MMP14: variants seen among roughly 807,000 people sequenced by gnomAD.
The protein encoded by MMP14 is matrix metallopeptidase 14.
A neutral mutation model predicts 64.8 loss-of-function variants in MMP14; 13 were observed. The observed-to-expected ratio is 0.20, with a 90% CI of 0.13 to 0.32. MMP14 has a LOEUF of 0.32. Among genes scored for constraint, MMP14 ranks in the 10% least tolerant of loss-of-function variants. MMP14 has a pLI of 1.00. For missense variants in MMP14, 594 were observed against 783.8 expected, an observed-to-expected ratio of 0.76 and a Z score of 2.89; for synonymous variants, 322 against 315.9, an observed-to-expected ratio of 1.02 and a Z score of -0.20.
At chr14:22,840,680 T>A (rs1405505207) in intron 1 of MMP14, among the ~76,000 whole-genome samples, 2 of 152,018 alleles carry the variant, frequency 1.3e-5, no homozygotes, top group Non-Finnish European at 2.9e-5. Flanking sequence ...GGCTAATATT[T>A]TTTGTATTTT....
chr14:22,843,325 C>G lies in MMP14; in HGVS notation c.757C>G (p.Pro253Ala). The change falls in exon 5 of 10, where the codon CCC (proline) becomes GCC (alanine). Residue 253 changes from proline (P) to alanine (A), a missense_variant. Physicochemically the swap from Pro to Ala is conservative, Grantham distance 27. This residue lies in a region of MMP14 where 6 missense variants were observed against 26.3 expected (regional missense o/e 0.23). Coordinates refer to ENST00000311852, the MANE Select transcript of MMP14 (RefSeq NM_004995.4). The surrounding 1 kb of genome is among the most constrained non-coding windows in gnomAD (Gnocchi z 4.8). ...CCTGGGGCTCGAGCATTCCAGTGAC[C>G]CCTCGGCCATCATGGCACCCTTTTA... is the stretch of plus-strand genomic sequence containing the variant. ...HALGLEHSSDPSAIMAPFYQW... is the reference protein window; with the variant it reads ...HALGLEHSSDASAIMAPFYQW... 6.2e-7 allele frequency: 1 copy of G among 1,613,980 alleles called. No homozygotes were observed. The highest frequency in any genetic ancestry group is 1.1e-5 in the South Asian group (1 of 91,078).
chr14:22,838,820 T>C (rs751000302), intron 1 of MMP14, among the ~76,000 whole-genome samples: 1 of 152,134 alleles, frequency 6.6e-6, no homozygotes, highest in Non-Finnish European at 1.5e-5. Context: ...TTCGACCTCA[T>C]AGTCTCTGTG....
In MMP14 at chr14:22,842,212, AC is replaced by A; in HGVS notation, c.380+181del. On this transcript the variant is annotated intron_variant, in intron 3 of 9. Coordinates refer to ENST00000311852, the MANE Select transcript of MMP14 (RefSeq NM_004995.4). The surrounding 1 kb of genome is among the most constrained non-coding windows in gnomAD (Gnocchi z 5.3). ...AGAGAGGTGTAGCCATCAAGGGTGCACCCCAGTGCCAGAGAGCCAGAGCCTG... is the reference window on the plus strand; with the variant it reads ...AGAGAGGTGTAGCCATCAAGGGTGCACCCAGTGCCAGAGAGCCAGAGCCTG... The A allele has an allele frequency of 9.7e-7, 1 of 1,029,440 alleles. No homozygotes were observed. The allele number at this position is 1,029,440 out of a possible 1,614,324, so 63.8% of individuals were successfully genotyped here.
rs370892055 is a variant in MMP14 at position 22,843,267 on chromosome 14, C to T, written c.699C>T (p.Ile233=). 30 of 1,613,450 alleles carry T rather than the reference C, an allele frequency of 1.9e-5. No individual in the cohort carries two copies. The highest frequency in any genetic ancestry group is 2.5e-5 in the Non-Finnish European group (29 of 1,179,670). The stretch of plus-strand genomic sequence containing the variant: ...TCCCCATCCTTCCAGGAAATGACAT[C>T]TTCCTGGTGGCTGTGCACGAGCTGG... ...VRNEDLNGND[I]FLVAVHELGH... Residue 233 remains isoleucine, a synonymous_variant, in exon 5 of 10, where the codon ATC becomes ATT. Transcript: ENST00000311852. This position sits in a 1 kb window ranked among gnomAD's most constrained non-coding sequence, Gnocchi z 4.8.
At chr14:22,837,001 T>G (rs1185346877) in intron 1 of MMP14, 76 bp downstream of exon 1, 2 of 1,170,768 alleles carry the variant, frequency 1.7e-6, no homozygotes, top group African/African-American at 3.1e-5. Flanking sequence ...GGGGACAGCC[T>G]CTATTCGGAG....
In MMP14 at chr14:22,836,761, G is replaced by A. The variant is rs2039733848; in HGVS notation, c.-57G>A. 8.9e-7 allele frequency: 1 copy of A among 1,128,552 alleles called. No individual in the cohort carries two copies. The highest frequency in any genetic ancestry group is 1.3e-6 in the Non-Finnish European group (1 of 797,138). 69.9% of individuals were successfully genotyped at this position (1,128,552 alleles called of 1,614,324 possible). A position where few individuals can be genotyped will look rare whatever the true frequency, so the allele number is the denominator to read the frequency against. On this transcript the variant is annotated 5_prime_UTR_variant, in exon 1 of 10. Transcript: ENST00000311852. The stretch of plus-strand genomic sequence containing the variant: ...CCGAGGGAGTGGCGGTGCGACCCCA[G>A]GGCGTGGGCCCGGCCGCGGAGCCCA...
At position 22,842,484 on chromosome 14, in the gene MMP14, A is replaced by G; in HGVS notation, c.455A>G (p.Glu152Gly). Residue 152 changes from glutamate (E) to glycine (G), a missense_variant, in exon 4 of 10, where the codon GAG becomes GGG. Physicochemically the swap from Glu to Gly is moderately conservative, Grantham distance 98 (BLOSUM62 -2). Transcript: ENST00000311852. The surrounding 1 kb of genome is among the most constrained non-coding windows in gnomAD (Gnocchi z 5.3). ...ATTCGCAAGGCGTTCCGCGTGTGGG[A>G]GAGTGCCACACCACTGCGCTTCCGC... ...EAIRKAFRVW[E>G]SATPLRFREV... 1 of 1,614,036 alleles carries G rather than the reference A, an allele frequency of 6.2e-7. No homozygotes were observed. The highest frequency in any genetic ancestry group is 8.5e-7 in the Non-Finnish European group (1 of 1,179,984).
At chr14:22,845,613 C>T in intron 9 of MMP14, 95 bp from the exon 10 acceptor site, 1 of 1,289,642 alleles carries the variant, frequency 7.8e-7, no homozygotes, top group Non-Finnish European at 1.1e-6. Context: ...GAGGGAAGCT[C>T]AGCTGCCCTC....
chr14:22,843,448 T>G lies in MMP14; in HGVS notation c.850+30T>G, dbSNP rs200987693. On this transcript the variant is annotated intron_variant, in intron 5 of 9. Transcript: ENST00000311852. The surrounding 1 kb of genome is among the most constrained non-coding windows in gnomAD (Gnocchi z 4.8). ...GTAGTCTACACCCACGCCTGCTCCC[T>G]CCTCTGCTGCTTGTTCCCTCCTGGT... The G allele has an allele frequency of 4.4e-6, 7 of 1,598,318 alleles. No individual in the cohort carries two copies. In the African/African-American group the frequency reaches 6.7e-5, roughly 15 times the overall value.
At chr14:22,845,502 G>A (rs1351409190) in intron 9 of MMP14, 136 bp downstream of exon 9, 2 of 847,576 alleles carry the variant, frequency 2.4e-6, no homozygotes, top group Non-Finnish European at 3.7e-6. Flanking sequence ...CGCTGGGCTA[G>A]GTGCTTCCAC....
In MMP14 at chr14:22,842,763, C is replaced by G. The variant is rs748008113; in HGVS notation, c.688+46C>G. On this transcript the variant is annotated intron_variant, in intron 4 of 9. Coordinates refer to ENST00000311852, the MANE Select transcript of MMP14 (RefSeq NM_004995.4). The surrounding 1 kb of genome is among the most constrained non-coding windows in gnomAD (Gnocchi z 5.3). Reference sequence around the variant, plus strand: ...ACTTACTCTGGAAAAAGCCAACAGTCATTTGTAGGGGTGGTTCCCCTCCCT... The same window carrying G: ...ACTTACTCTGGAAAAAGCCAACAGTGATTTGTAGGGGTGGTTCCCCTCCCT... 7.1e-6 allele frequency: 11 copies of G among 1,545,620 alleles called. No individual in the cohort carries two copies. In the East Asian group the frequency reaches 2.5e-4, roughly 35 times the overall value.
At chr14:22,839,578 C>G (rs986759770) in intron 1 of MMP14, among the ~76,000 whole-genome samples, 1 of 152,218 alleles carries the variant, frequency 6.6e-6, no homozygotes, top group Non-Finnish European at 1.5e-5. Flanking sequence ...ATCTCGGGTT[C>G]TAGCTCGCAT....
chr14:22,845,203 G>A (rs373614114), intron 8 of MMP14, 48 bp from the exon 9 acceptor site: 21 of 1,433,132 alleles, frequency 1.5e-5, no homozygotes, highest in Non-Finnish European at 2.1e-5. Flanking sequence ...TGCGCCTCCT[G>A]AGGACATGCC....
chr14:22,837,267 AC>A (rs1355277001), intron 1 of MMP14: 2 of 509,914 alleles, frequency 3.9e-6, no homozygotes, highest in Admixed American at 4.5e-5. Flanking sequence ...CGCCTGATAA[AC>A]ATTTGGACTC....
chr14:22,837,201 C>T (rs527394648), intron 1 of MMP14: 2 of 621,490 alleles, frequency 3.2e-6, no homozygotes, highest in African/African-American at 3.6e-5. Context: ...AACTTTACAA[C>T]TGGGGCGAAC....
At chr14:22,845,593 C>T (rs1421127856) in intron 9 of MMP14, 115 bp from the exon 10 acceptor site, 12 of 1,139,640 alleles carry the variant, frequency 1.1e-5, no homozygotes, top group African/African-American at 7.6e-5. Flanking sequence ...AGCTGATGCT[C>T]ACGAAGGTGG....
In MMP14 at chr14:22,847,531, T is replaced by A. The variant is rs1286779889; in HGVS notation, c.*1492T>A. 2 of 151,874 alleles carry A rather than the reference T, an allele frequency of 1.3e-5. No individual in the cohort carries two copies. Among genetic ancestry groups the A allele is most frequent in the Non-Finnish European group, 2.9e-5 (2 of 67,984 alleles). The allele number at this position is 151,874 out of a possible 1,614,324, so 9.4% of individuals were successfully genotyped here. ...TGCTGGCAGTTCGGCTAGATTTCTGTCTTGTTTGTTTTTTTGTTTTGTTTA... is the reference window on the plus strand; with the variant it reads ...TGCTGGCAGTTCGGCTAGATTTCTGACTTGTTTGTTTTTTTGTTTTGTTTA... On this transcript the variant is annotated 3_prime_UTR_variant, in exon 10 of 10. Transcript: ENST00000311852.
Position 22,842,157 on chromosome 14 carries a change from G to A in MMP14, c.380+122G>A. 3 of 1,376,588 alleles carry A rather than the reference G, an allele frequency of 2.2e-6. No homozygotes were observed. Among genetic ancestry groups the A allele is most frequent in the Admixed American group, 2.0e-5 (1 of 50,882 alleles). The allele number at this position is 1,376,588 out of a possible 1,614,324, so 85.3% of individuals were successfully genotyped here. A position where few individuals can be genotyped will look rare whatever the true frequency, so the allele number is the denominator to read the frequency against. On this transcript the variant is annotated intron_variant, in intron 3 of 9. Transcript: ENST00000311852. The surrounding 1 kb of genome is among the most constrained non-coding windows in gnomAD (Gnocchi z 5.3). ...CTCAGTTCCTGGGAAGCATCCGTGGGAGTGGGGAGGAAAATGGCTCTCATC... is the reference window on the plus strand; with the variant it reads ...CTCAGTTCCTGGGAAGCATCCGTGGAAGTGGGGAGGAAAATGGCTCTCATC...
Position 22,846,047 on chromosome 14 carries a change from C to T in MMP14, c.*8C>T, listed in dbSNP as rs772190315. ...CTGCTGGACAAGGTCTGACGCCCACCGCCGGCCCGCCCACTCCTACCACAA... is the reference window on the plus strand; with the variant it reads ...CTGCTGGACAAGGTCTGACGCCCACTGCCGGCCCGCCCACTCCTACCACAA... On this transcript the variant is annotated 3_prime_UTR_variant, in exon 10 of 10. Coordinates refer to ENST00000311852, the MANE Select transcript of MMP14 (RefSeq NM_004995.4). 5 of 1,462,540 alleles carry T rather than the reference C, an allele frequency of 3.4e-6. No individual in the cohort carries two copies. Among genetic ancestry groups the T allele is most frequent in the Admixed American group, 2.6e-5 (1 of 38,712 alleles). 90.6% of individuals were successfully genotyped at this position (1,462,540 alleles called of 1,614,324 possible). A position where few individuals can be genotyped will look rare whatever the true frequency, so the allele number is the denominator to read the frequency against.
Sources: allele counts gnomAD v4.1 joint callset (sites outside exome capture counted in the v4.1 genomes callset), GRCh38; gene constraint gnomAD v4.1.1; regional missense constraint gnomAD v4.1.1; non-coding constraint Gnocchi (gnomAD v3.1); transcripts MANE v1.5; gene names NCBI Gene and HGNC (gene_info 2026-07-23, HGNC 2026-07-21).